NHS: variants seen among roughly 807,000 people sequenced by gnomAD.
NHS encodes NHS actin remodeling regulator.
A neutral mutation model predicts 72.5 loss-of-function variants in NHS; 5 were observed. That is an observed-to-expected ratio of 0.07 (90% CI 0.04 to 0.14). The LOEUF is 0.14. NHS is among the 10% of genes least tolerant of loss of function. The pLI, the probability that NHS is intolerant of heterozygous loss-of-function variation, is 1.00. For missense variants in NHS, 1,072 were observed against 1,355.7 expected, an observed-to-expected ratio of 0.79 and a Z score of 3.29; for synonymous variants, 464 against 547.7, an observed-to-expected ratio of 0.85 and a Z score of 2.13.
intron 1 of NHS, among the ~76,000 whole-genome samples, chrX:17,451,922 C>T (rs1369290297): frequency 9.0e-6 from 1 of 111,649 alleles, no homozygotes; most frequent in Non-Finnish European, 1.9e-5. Flanking sequence ...ATTACTAAAC[C>T]CGCATCCTTA....
At chrX:17,574,918 G>A (rs187925188) in intron 1 of NHS, among the ~76,000 whole-genome samples, 216 of 112,115 alleles carry the variant, frequency 1.9e-3, no homozygotes, top group African/African-American at 6.8e-3. Flanking sequence ...CTGAGGCACA[G>A]AATGGCTCCA....
At chrX:17,465,723 T>C (rs936743085) in intron 1 of NHS, among the ~76,000 whole-genome samples, 2 of 112,291 alleles carry the variant, frequency 1.8e-5, no homozygotes, top group Non-Finnish European at 3.8e-5. Flanking sequence ...TTTTATACTT[T>C]TGTGTGTGGC....
chrX:17,532,384 A>G (rs1284044074), intron 1 of NHS, among the ~76,000 whole-genome samples: 1 of 111,136 alleles, frequency 9.0e-6, no homozygotes, highest in Admixed American at 9.6e-5. Flanking sequence ...GATGAATGAT[A>G]TAGTCCCTGC....
At chrX:17,430,357 C>CTTCT (rs373725774) in intron 1 of NHS, among the ~76,000 whole-genome samples, 3 of 64,605 alleles carry the variant, frequency 4.6e-5, no homozygotes, top group Admixed American at 1.8e-4. Flanking sequence ...CTTTCTTTTT[C>CTTCT]TTCTTTCTTT....
At chrX:17,516,817 G>A (rs1317417619) in intron 1 of NHS, among the ~76,000 whole-genome samples, 1 of 111,789 alleles carries the variant, frequency 8.9e-6, no homozygotes, top group Non-Finnish European at 1.9e-5. Flanking sequence ...TTTAACCCAG[G>A]AATGGGAATA....
intron 1 of NHS, among the ~76,000 whole-genome samples, chrX:17,656,715 G>A (rs1052456236): frequency 1.4e-4 from 16 of 112,563 alleles, no homozygotes; most frequent in African/African-American, 4.2e-4. Context: ...GTTCTGGGGC[G>A]GGGCGGCACT....
At chrX:17,403,591 A>G (rs965104164) in intron 1 of NHS, among the ~76,000 whole-genome samples, 13 of 112,194 alleles carry the variant, frequency 1.2e-4, no homozygotes, top group African/African-American at 3.9e-4. Flanking sequence ...ACACTTTGGC[A>G]TCTCACCCAC....
At chrX:17,682,776 G>T (rs183137772) in intron 1 of NHS, among the ~76,000 whole-genome samples, 2 of 110,971 alleles carry the variant, frequency 1.8e-5, no homozygotes, top group African/African-American at 6.6e-5. Flanking sequence ...CTGCTCCCGG[G>T]GGCATAAAGC....
chrX:17,440,443 G>C (rs1165958837), intron 1 of NHS, among the ~76,000 whole-genome samples: 2 of 110,380 alleles, frequency 1.8e-5, no homozygotes, highest in Non-Finnish European at 3.8e-5. Context: ...TTGCCAAATT[G>C]CTCTTTCAAG....
In NHS at chrX:17,654,339, C is replaced by T. The variant is rs765225212; in HGVS notation, c.566-33403C>T. The stretch of plus-strand genomic sequence containing the variant: ...CCATGCCATCTCCTCCCACCTCATC[C>T]TTCCTGTCCCAGCCACACTCTGTCT... On this transcript the variant is annotated intron_variant, in intron 1 of 8. Transcript: ENST00000676302. 4.5e-4 allele frequency among the ~76,000 whole-genome samples: 50 copies of T among 111,767 alleles called. No individual in the cohort carries two copies. The East Asian group carries it at 0.012, about 27-fold the overall frequency.
At chrX:17,698,578 A>T (rs1428128789) in intron 3 of NHS, among the ~76,000 whole-genome samples, 4 of 112,222 alleles carry the variant, frequency 3.6e-5, no homozygotes, top group Non-Finnish European at 5.6e-5. Context: ...AAAATGAAGC[A>T]AAACTTCCCT....
rs1309915236 is a variant in NHS at position 17,562,151 on chromosome X, C to T, written c.566-125591C>T. On this transcript the variant is annotated intron_variant, in intron 1 of 8. Transcript: ENST00000676302. ...TCAGAAGCAAACCCTAAAACAAGACCTCAAGTGTAAGCAGTTTATTTGAGA... is the reference window on the plus strand; with the variant it reads ...TCAGAAGCAAACCCTAAAACAAGACTTCAAGTGTAAGCAGTTTATTTGAGA... Among the ~76,000 whole-genome samples, 4 of 111,290 alleles carry T rather than the reference C, an allele frequency of 3.6e-5. No individual in the cohort carries two copies. In the East Asian group the frequency reaches 1.1e-3, roughly 32 times the overall value.
chrX:17,597,116 GTT>G (rs59820959), intron 1 of NHS, among the ~76,000 whole-genome samples: 1,345 of 83,140 alleles, frequency 0.016, 14 homozygotes, highest in African/African-American at 0.064. Context: ...CTATTCTTCC[GTT>G]TTTTTTTTTT....
At chrX:17,649,803 T>C (rs1285984180) in intron 1 of NHS, among the ~76,000 whole-genome samples, 1 of 111,816 alleles carries the variant, frequency 8.9e-6, no homozygotes, top group Non-Finnish European at 1.9e-5. Flanking sequence ...TGATATAAAA[T>C]ATATATGAAT....
At chrX:17,447,149 T>G (rs754013761) in intron 1 of NHS, among the ~76,000 whole-genome samples, 7 of 111,622 alleles carry the variant, frequency 6.3e-5, no homozygotes, top group Non-Finnish European at 1.1e-4. Context: ...GTTTCTGAAA[T>G]GAAGGCCAAT....
In NHS at chrX:17,727,731, G is replaced by A. The variant is rs749817644; in HGVS notation, c.3625G>A (p.Glu1209Lys). Residue 1209 changes from glutamate (E) to lysine (K), a missense_variant, in exon 7 of 9, where the codon GAG (glutamate) becomes AAG (lysine). Coordinates refer to ENST00000676302, the MANE Select transcript of NHS (RefSeq NM_001291867.2). The part of the protein sequence containing the change: ...ILSFLDSSAV[E>K]MGPDKLHLEK... Reference sequence around the variant, plus strand: ...GTCCTTTTTAGACTCTTCTGCAGTTGAGATGGGACCAGATAAACTACATTT... The same window carrying A: ...GTCCTTTTTAGACTCTTCTGCAGTTAAGATGGGACCAGATAAACTACATTT... The A allele has an allele frequency of 1.7e-6, 2 of 1,210,881 alleles. No homozygotes were observed. Among genetic ancestry groups the A allele is most frequent in the Non-Finnish European group, 2.2e-6 (2 of 894,690 alleles).
At chrX:17,443,984 C>T (rs1469455514) in intron 1 of NHS, among the ~76,000 whole-genome samples, 1 of 111,017 alleles carries the variant, frequency 9.0e-6, no homozygotes, top group African/African-American at 3.3e-5. Flanking sequence ...GTAAGGGAGC[C>T]CTTACTTCCC....
chrX:17,704,024 A>C (rs911629208), intron 3 of NHS, among the ~76,000 whole-genome samples: 10 of 111,738 alleles, frequency 8.9e-5, no homozygotes, highest in African/African-American at 3.2e-4. Context: ...AAGAGTAGCC[A>C]TGTAGATATG....
chrX:17,627,814 TC>T (rs2065805253), intron 1 of NHS, among the ~76,000 whole-genome samples: 2 of 112,401 alleles, frequency 1.8e-5, no homozygotes, highest in African/African-American at 6.5e-5. Flanking sequence ...CCATGGTTTC[TC>T]CTCCTCTCCC....
Sources: gnomAD v4.1 joint callset for allele counts (sites outside exome capture counted in the v4.1 genomes callset) on GRCh38, gnomAD v4.1.1 for gene constraint, MANE v1.5 for transcripts, NCBI Gene and HGNC (gene_info 2026-07-23, HGNC 2026-07-21) for gene names.